Variants in EPC2 observed in about 807,000 individuals in gnomAD.
EPC2 encodes enhancer of polycomb homolog 2.
In EPC2, 14 loss-of-function variants were observed where a neutral mutation model predicts 92.1. The observed-to-expected ratio is 0.15, with a 90% CI of 0.10 to 0.24. EPC2 has a LOEUF of 0.24. Among genes scored for constraint, EPC2 ranks in the 10% least tolerant of loss-of-function variants. The pLI, the probability that EPC2 is intolerant of heterozygous loss-of-function variation, is 1.00. For missense variants in EPC2, 755 were observed against 971.5 expected (o/e 0.78, Z 2.96); for synonymous variants, 340 against 334.7 (o/e 1.02, Z -0.17).
intron 2 of EPC2, among the ~76,000 whole-genome samples, chr2:148,720,903 A>G (rs1682358438): frequency 6.6e-6 from 1 of 152,180 alleles, no homozygotes. Flanking sequence ...CATGAGCGCC[A>G]CGGACTGCAG....
chr2:148,705,300 A>C (rs1681970741), intron 2 of EPC2, among the ~76,000 whole-genome samples: 1 of 152,170 alleles, frequency 6.6e-6, no homozygotes, highest in South Asian at 2.1e-4. Context: ...ATCATTTTAA[A>C]AAAAAAACTC....
chr2:148,721,907 T>TC (rs1553446826), intron 2 of EPC2, among the ~76,000 whole-genome samples: 15 of 145,966 alleles, frequency 1.0e-4, no homozygotes, highest in African/African-American at 2.0e-4. Context: ...TTTTTTTTTT[T>TC]CAGAATTCTC....
intron 10 of EPC2, among the ~76,000 whole-genome samples, chr2:148,777,458 TGG>T (rs981263870): frequency 6.6e-6 from 1 of 152,204 alleles, no homozygotes; most frequent in African/African-American, 2.4e-5. Context: ...TACTCTGTTA[TGG>T]GATGATGATC....
chr2:148,746,463 C>T (rs1298265245), intron 3 of EPC2, among the ~76,000 whole-genome samples: 1 of 152,012 alleles, frequency 6.6e-6, no homozygotes, highest in Non-Finnish European at 1.5e-5. Flanking sequence ...TTTATCAAAG[C>T]ACTGAATGAA....
At position 148,777,368 on chromosome 2, in the gene EPC2, A is replaced by C. The variant is rs150950819; in HGVS notation, c.1721-4276A>C. ...TCATGACTTCCCAAGAATACATCTT[A>C]GCCCAGTTTAAGAAACACTGCATTA... On this transcript the variant is annotated intron_variant, in intron 10 of 13. Transcript: ENST00000258484. Among the ~76,000 whole-genome samples the C allele has an allele frequency of 8.5e-5, 13 of 152,296 alleles. No homozygotes were observed. The East Asian group carries it at 2.5e-3, about 29-fold the overall frequency.
intron 2 of EPC2, among the ~76,000 whole-genome samples, chr2:148,700,347 G>A (rs774511634): frequency 7.9e-5 from 12 of 151,962 alleles, no homozygotes; most frequent in Non-Finnish European, 5.9e-5. Flanking sequence ...TAAAAGTTTT[G>A]TAGACTGCAT....
chr2:148,771,242 A>C lies in EPC2; in HGVS notation c.1575A>C (p.Leu525=), dbSNP rs372741400. Residue 525 remains leucine (L), a synonymous_variant, in exon 10 of 14, where the codon CTA becomes CTC. Transcript: ENST00000258484. ...EILSNIRSCR[L]QCFQPRLLNL... ...TAAGCAATATCAGATCATGTCGACTACAGTGTTTCCAGCCAAGGCTACTAA... is the reference window on the plus strand; with the variant it reads ...TAAGCAATATCAGATCATGTCGACTCCAGTGTTTCCAGCCAAGGCTACTAA... The C allele has an allele frequency of 1.5e-5, 25 of 1,613,888 alleles. No individual in the cohort carries two copies. The highest frequency in any genetic ancestry group is 2.2e-5 in the South Asian group (2 of 91,084).
At chr2:148,661,619 C>T (rs887461900) in intron 1 of EPC2, among the ~76,000 whole-genome samples, 3 of 151,780 alleles carry the variant, frequency 2.0e-5, no homozygotes, top group African/African-American at 4.8e-5. Context: ...TTGTTAAATG[C>T]GATGTACATA....
intron 2 of EPC2, among the ~76,000 whole-genome samples, chr2:148,720,499 G>A (rs892591532): frequency 5.9e-5 from 9 of 152,204 alleles, no homozygotes; most frequent in Admixed American, 4.6e-4. Flanking sequence ...TGTCTGAGTT[G>A]CAGACACGTT....
At chr2:148,773,092 T>C (rs78146744) in intron 10 of EPC2, among the ~76,000 whole-genome samples, 8,805 of 152,208 alleles carry the variant, frequency 0.058, 270 homozygotes, top group East Asian at 0.1. Context: ...AACTCTAGAT[T>C]TAACTTGACT....
At chr2:148,646,880 G>A (rs1205229539) in intron 1 of EPC2, among the ~76,000 whole-genome samples, 3 of 152,124 alleles carry the variant, frequency 2.0e-5, no homozygotes, top group African/African-American at 7.2e-5. Flanking sequence ...GGAAGGCCGA[G>A]GTGGGCGGAT....
intron 2 of EPC2, among the ~76,000 whole-genome samples, chr2:148,723,106 G>A (rs1161412928): frequency 6.6e-6 from 1 of 152,088 alleles, no homozygotes; most frequent in Non-Finnish European, 1.5e-5. Context: ...AAAATAGTCT[G>A]TATATCAAAC....
chr2:148,691,514 C>G, intron 2 of EPC2: 4 of 1,549,432 alleles, frequency 2.6e-6, no homozygotes, highest in Non-Finnish European at 3.5e-6. Context: ...TTCATTGATT[C>G]TGAGATGCAC....
intron 2 of EPC2, among the ~76,000 whole-genome samples, chr2:148,691,182 T>G (rs1301181474): frequency 1.3e-5 from 2 of 152,228 alleles, no homozygotes; most frequent in Non-Finnish European, 2.9e-5. Context: ...ATATTTACTG[T>G]CCTGTATCTC....
Position 148,644,780 on chromosome 2 carries a change from A to C in EPC2, c.-238A>C, listed in dbSNP as rs1243840977. On this transcript the variant is annotated 5_prime_UTR_variant, in exon 1 of 14. Coordinates refer to ENST00000258484, the MANE Select transcript of EPC2 (RefSeq NM_015630.4). Reference sequence around the variant, plus strand: ...ATGTCCGCCATGTTGGCCATGGCGCAGGGAGCGGATCGGGCGGGCGAGCGG... The same window carrying C: ...ATGTCCGCCATGTTGGCCATGGCGCCGGGAGCGGATCGGGCGGGCGAGCGG... 7.5e-6 allele frequency: 3 copies of C among 400,620 alleles called. No individual in the cohort carries two copies. The highest frequency in any genetic ancestry group is 2.9e-5 in the South Asian group (1 of 34,936). 24.8% of individuals were successfully genotyped at this position (400,620 alleles called of 1,614,324 possible). A position where few individuals can be genotyped will look rare whatever the true frequency, so the allele number is the denominator to read the frequency against.
intron 1 of EPC2, among the ~76,000 whole-genome samples, chr2:148,655,948 G>A (rs1393620870): frequency 6.9e-6 from 1 of 144,444 alleles, no homozygotes; most frequent in African/African-American, 2.6e-5. Flanking sequence ...TACATAAAAA[G>A]TGTCTTTCCT....
intron 2 of EPC2, among the ~76,000 whole-genome samples, chr2:148,715,336 T>G (rs1682236647): frequency 6.6e-6 from 1 of 152,206 alleles, no homozygotes; most frequent in African/African-American, 2.4e-5. Flanking sequence ...CCCAGCCTCT[T>G]CTAGCGTTTT....
intron 3 of EPC2, among the ~76,000 whole-genome samples, chr2:148,753,694 AAAT>A (rs1429077466): frequency 6.6e-6 from 1 of 152,144 alleles, no homozygotes; most frequent in African/African-American, 2.4e-5. Flanking sequence ...CAGCCTTCTT[AAAT>A]ATTATCAGTG....
chr2:148,670,705 TCTC>T (rs1681138603), intron 1 of EPC2, among the ~76,000 whole-genome samples: 1 of 152,202 alleles, frequency 6.6e-6, no homozygotes, highest in Admixed American at 6.5e-5. Flanking sequence ...GTCTATTCTC[TCTC>T]CTCTTCCCTG....
Sources: gnomAD v4.1 joint callset for allele counts (sites outside exome capture counted in the v4.1 genomes callset) on GRCh38, gnomAD v4.1.1 for gene constraint, MANE v1.5 for transcripts, NCBI Gene and HGNC (gene_info 2026-07-23, HGNC 2026-07-21) for gene names.